BIRC6: variants seen among roughly 807,000 people sequenced by gnomAD.
The protein encoded by BIRC6 is dual E2 ubiquitin-conjugating enzyme/E3 ubiquitin-protein ligase BIRC6.
Under a neutral mutation model 503.3 loss-of-function variants are expected in BIRC6, and 98 were observed. The ratio of observed to expected loss-of-function variants is 0.19; its 90% confidence interval spans 0.17 to 0.23. The LOEUF is 0.23. Among genes scored for constraint, BIRC6 ranks in the 10% least tolerant of loss-of-function variants. The pLI, the probability that BIRC6 is intolerant of heterozygous loss-of-function variation, is 1.00. For synonymous variants in BIRC6, 2,240 were observed against 2,078.7 expected (o/e 1.08, Z -2.11); for missense variants, 5,360 against 5,806.0 (o/e 0.92, Z 2.50).
chr2:32,482,538 C>T lies in BIRC6; in HGVS notation c.7652C>T (p.Thr2551Met), dbSNP rs772024244. ...GIPVAKPPAN[T>M]EKNGSQTVSV... is the part of the protein sequence containing the mutation. ...CCTGTAGCAAAGCCACCAGCAAACACGGAGAAGAACGGATCACAGACAGTT... is the reference window on the plus strand; with the variant it reads ...CCTGTAGCAAAGCCACCAGCAAACATGGAGAAGAACGGATCACAGACAGTT... The change falls in exon 39 of 74, where the codon ACG (threonine) becomes ATG (methionine). Residue 2551 changes from threonine to methionine, a missense_variant. By Grantham distance (81) the Thr-to-Met change is moderately conservative. This residue lies in a region of BIRC6 where 2,299 missense variants were observed against 2,267.2 expected (regional missense o/e 1.01). Transcript: ENST00000421745. 2.5e-5 allele frequency: 41 copies of T among 1,613,884 alleles called. No individual in the cohort carries two copies. The highest frequency in any genetic ancestry group is 3.2e-5 in the Non-Finnish European group (38 of 1,179,840).
At chr2:32,511,868 T>C (rs1410109275) in intron 53 of BIRC6, among the ~76,000 whole-genome samples, 2 of 152,200 alleles carry the variant, frequency 1.3e-5, no homozygotes, top group Non-Finnish European at 2.9e-5. Context: ...CAATTGTTTT[T>C]GATGAAGTGA....
intron 62 of BIRC6, 134 bp from the exon 63 acceptor site, chr2:32,545,509 G>A (rs1172011995): frequency 8.3e-6 from 6 of 718,894 alleles, no homozygotes; most frequent in Non-Finnish European, 1.4e-5. Context: ...TGTATTTGTG[G>A]TATTTGGTTT....
intron 72 of BIRC6, 132 bp downstream of exon 72, chr2:32,607,775 T>C: frequency 4.9e-6 from 3 of 612,686 alleles, no homozygotes; most frequent in Non-Finnish European, 7.6e-6. Context: ...GTCAGGAGTC[T>C]GAGACCAGCC....
At chr2:32,512,624 G>T (rs1032859925) in intron 53 of BIRC6, among the ~76,000 whole-genome samples, 1 of 152,182 alleles carries the variant, frequency 6.6e-6, no homozygotes, top group African/African-American at 2.4e-5. Flanking sequence ...GTCCAGGGAT[G>T]TGAAACGTGC....
At position 32,597,442 on chromosome 2, in the gene BIRC6, T is replaced by A. The variant is rs550264816; in HGVS notation, c.13613-309T>A. Among the ~76,000 whole-genome samples, 12 of 152,342 alleles carry A rather than the reference T, an allele frequency of 7.9e-5. No homozygotes were observed. The East Asian group carries it at 1.9e-3, about 24-fold the overall frequency. On this transcript the variant is annotated intron_variant, in intron 68 of 73. Transcript: ENST00000421745. ...GAGTTAATAGACCCTGTCCTCTATA[T>A]GATATAAAATTTTCCCACTGGGCAT...
rs74493008 is a variant in BIRC6 at position 32,476,913 on chromosome 2, C to A, written c.6853-455C>A. 1.4e-3 allele frequency among the ~76,000 whole-genome samples: 209 copies of A among 152,068 alleles called. 1 individual carries two copies. The highest frequency in any genetic ancestry group is 4.8e-3 in the African/African-American group (201 of 41,496). On this transcript the variant is annotated intron_variant, in intron 34 of 73. Coordinates refer to ENST00000421745, the MANE Select transcript of BIRC6 (RefSeq NM_016252.4). ...TACTTTTTAAAATTTTGAGGGATAC[C>A]GTGTATGTATCAAACAAGTTTGTAG...
At chr2:32,564,611 T>C (rs1389809614) in intron 65 of BIRC6, 1 of 152,252 alleles carries the variant, frequency 6.6e-6, no homozygotes, top group Non-Finnish European at 1.5e-5. Flanking sequence ...TTAAGCATAT[T>C]TTCATGTGTT....
Position 32,477,348 on chromosome 2 carries a change from C to G in BIRC6, c.6853-20C>G. 6 of 1,608,380 alleles carry G rather than the reference C, an allele frequency of 3.7e-6. No individual in the cohort carries two copies. Among genetic ancestry groups the G allele is most frequent in the South Asian group, 1.1e-5 (1 of 90,732 alleles). Reference sequence around the variant, plus strand: ...CATTAAGTAAACATTGATTTAAACACTATACATTTTTGTGTGCAGCACTTT... The same window carrying G: ...CATTAAGTAAACATTGATTTAAACAGTATACATTTTTGTGTGCAGCACTTT... On this transcript the variant is annotated intron_variant, in intron 34 of 73. Transcript: ENST00000421745.
chr2:32,509,501 C>T (rs146963006), intron 51 of BIRC6, among the ~76,000 whole-genome samples: 2,507 of 152,226 alleles, frequency 0.016, 51 homozygotes, highest in African/African-American at 0.058. Context: ...CATCCACCTG[C>T]CTCGGCCTCC....
intron 68 of BIRC6, among the ~76,000 whole-genome samples, 169 bp downstream of exon 68, chr2:32,595,313 G>A (rs949569866): frequency 6.6e-6 from 1 of 152,022 alleles, no homozygotes; most frequent in Non-Finnish European, 1.5e-5. Context: ...ATTTATGTCT[G>A]TATTTTTAGT....
At chr2:32,521,643 A>AT (rs34394759) in intron 57 of BIRC6, among the ~76,000 whole-genome samples, 206 of 140,920 alleles carry the variant, frequency 1.5e-3, no homozygotes, top group East Asian at 3.4e-3. Context: ...TAATTTTTGT[A>AT]TTTTTTTTTT....
chr2:32,532,159 G>GTGTGTGTGTGTGTGTA (rs760296844), intron 61 of BIRC6: 7 of 529,958 alleles, frequency 1.3e-5, no homozygotes, highest in Non-Finnish European at 2.3e-5. Flanking sequence ...GTGTGTGTGT[G>GTGTGTGTGTGTGTGTA]TGTGTGTGTG....
At chr2:32,613,887 AT>A (rs2063060181) in intron 73 of BIRC6, among the ~76,000 whole-genome samples, 1 of 151,270 alleles carries the variant, frequency 6.6e-6, no homozygotes, top group Admixed American at 6.6e-5. Flanking sequence ...CTTCAGAACT[AT>A]TTTTTTTCTG....
chr2:32,509,714 A>G (rs2054206519), intron 51 of BIRC6, 24 bp from the exon 52 acceptor site: 2 of 1,613,314 alleles, frequency 1.2e-6, no homozygotes, highest in African/African-American at 1.3e-5. Flanking sequence ...TATATTGATC[A>G]TACAAGTCAT....
chr2:32,616,733 C>T (rs560963758), intron 73 of BIRC6, among the ~76,000 whole-genome samples: 30 of 152,142 alleles, frequency 2.0e-4, no homozygotes, highest in East Asian at 1.7e-3. Context: ...TTTTAATTTA[C>T]GGATTTGTCT....
chr2:32,401,371 T>G lies in BIRC6; in HGVS notation c.1243T>G (p.Ser415Ala), dbSNP rs914332265. The change falls in exon 7 of 74, where the codon TCC becomes GCC. Residue 415 changes from serine to alanine, a missense_variant. Ser to Ala is a moderately conservative substitution (Grantham distance 99). This residue lies in a region of BIRC6 where 700 missense variants were observed against 739.3 expected (regional missense o/e 0.95). Coordinates refer to ENST00000421745, the MANE Select transcript of BIRC6 (RefSeq NM_016252.4). ...KRGKICIWDV[S>A]KLMKVHLKFE... The stretch of plus-strand genomic sequence containing the variant: ...AGGAAAGATCTGCATATGGGATGTT[T>G]CCAAACTTATGAAGGTATGTTTGAA... 1 of 1,614,024 alleles carries G rather than the reference T, an allele frequency of 6.2e-7. No homozygotes were observed. Among genetic ancestry groups the G allele is most frequent in the African/African-American group, 1.3e-5 (1 of 75,070 alleles).
At chr2:32,544,478 TTTCTTTC>T (rs1431700280) in intron 62 of BIRC6, among the ~76,000 whole-genome samples, 2 of 147,870 alleles carry the variant, frequency 1.4e-5, no homozygotes, top group Non-Finnish European at 3.0e-5. Flanking sequence ...CATTTTCTTT[TTTCTTTC>T]TTCTTCTTTT....
chr2:32,442,686 T>G (rs1217855145), intron 19 of BIRC6, among the ~76,000 whole-genome samples: 1 of 152,206 alleles, frequency 6.6e-6, no homozygotes, highest in East Asian at 1.9e-4. Context: ...CTGCTGAGCT[T>G]CTCTGCCTGT....
intron 66 of BIRC6, among the ~76,000 whole-genome samples, chr2:32,591,893 A>T (rs1456210659): frequency 1.3e-5 from 2 of 152,276 alleles, no homozygotes; most frequent in East Asian, 1.9e-4. Flanking sequence ...CAGCTTATGC[A>T]CTTCTCTTCA....
Sources: allele counts gnomAD v4.1 joint callset (sites outside exome capture counted in the v4.1 genomes callset), GRCh38; gene constraint gnomAD v4.1.1; regional missense constraint gnomAD v4.1.1; transcripts MANE v1.5; gene names NCBI Gene and HGNC (gene_info 2026-07-23, HGNC 2026-07-21).